Variants in SPECC1 observed in about 807,000 individuals in gnomAD.
SPECC1 encodes the protein cytospin-B.
SPECC1 carries 62 observed loss-of-function variants against 104.1 expected under a neutral mutation model. That is an observed-to-expected ratio of 0.60 (90% CI 0.49 to 0.74). The LOEUF (loss-of-function observed/expected upper bound fraction) is 0.74. Ranked by LOEUF, SPECC1 falls within the 30% of genes least tolerant of loss-of-function variation. The pLI, the probability that SPECC1 is intolerant of heterozygous loss-of-function variation, is 0.00. For synonymous variants in SPECC1, 513 were observed against 501.6 expected, an observed-to-expected ratio of 1.02 and a Z score of -0.30; for missense variants, 1,306 against 1,310.5, an observed-to-expected ratio of 1.00 and a Z score of 0.05.
rs533692821 is a variant in SPECC1, at chr17:20,196,261, A to G, written c.284-8072A>G. 2.5e-4 allele frequency among the ~76,000 whole-genome samples: 38 copies of G among 152,350 alleles called. No individual in the cohort carries two copies. In the East Asian group the frequency reaches 4.4e-3, roughly 18 times the overall value. On this transcript the variant is annotated intron_variant, in intron 3 of 14. Transcript: ENST00000395527. ...TCAATAGTCTCAATTACATGTTACA[A>G]TGTTAACTTTTAGCAACTTTTATTT...
At chr17:20,020,001 G>T (rs1367215416) in intron 1 of SPECC1, among the ~76,000 whole-genome samples, 1 of 152,206 alleles carries the variant, frequency 6.6e-6, no homozygotes, top group Non-Finnish European at 1.5e-5. Flanking sequence ...TCCCTGCAGG[G>T]TGACATGCAT....
chr17:20,145,462 G>C (rs192587480), intron 3 of SPECC1, among the ~76,000 whole-genome samples: 1 of 152,342 alleles, frequency 6.6e-6, no homozygotes, highest in African/African-American at 2.4e-5. Flanking sequence ...CACCCTGATT[G>C]TGCTGGCTTG....
At chr17:20,312,858 C>A (rs186490861) in intron 14 of SPECC1, among the ~76,000 whole-genome samples, 1 of 152,308 alleles carries the variant, frequency 6.6e-6, no homozygotes, top group African/African-American at 2.4e-5. Flanking sequence ...TAAGTGAAGT[C>A]TGTTCAGATT....
chr17:20,312,700 A>G (rs534573524), intron 14 of SPECC1, among the ~76,000 whole-genome samples: 9 of 152,340 alleles, frequency 5.9e-5, no homozygotes, highest in Admixed American at 3.9e-4. Flanking sequence ...AGAAGGAGAC[A>G]TTCTATTCTT....
At chr17:20,052,931 G>T (rs1597620092) in intron 1 of SPECC1, among the ~76,000 whole-genome samples, 1 of 152,172 alleles carries the variant, frequency 6.6e-6, no homozygotes, top group African/African-American at 2.4e-5. Flanking sequence ...CTATGCGTTT[G>T]CCCTAGAGAC....
chr17:20,260,331 G>T, intron 12 of SPECC1, 37 bp downstream of exon 12: 1 of 1,587,496 alleles, frequency 6.3e-7, no homozygotes, highest in Non-Finnish European at 8.6e-7. Context: ...AGCTGCCCCT[G>T]GGCAGTAGTA....
At chr17:20,140,655 G>A (rs1467135536) in intron 3 of SPECC1, among the ~76,000 whole-genome samples, 1 of 152,224 alleles carries the variant, frequency 6.6e-6, no homozygotes, top group Admixed American at 6.5e-5. Flanking sequence ...AGGTGTCCCA[G>A]AGAGGAGACT....
chr17:20,162,395 C>G, intron 3 of SPECC1, among the ~76,000 whole-genome samples: 1 of 152,096 alleles, frequency 6.6e-6, no homozygotes, highest in Non-Finnish European at 1.5e-5. Flanking sequence ...ATCCGCCCAC[C>G]TTGGACCCCC....
At chr17:20,247,926 C>T (rs1035838800) in intron 9 of SPECC1, among the ~76,000 whole-genome samples, 3 of 152,168 alleles carry the variant, frequency 2.0e-5, no homozygotes, top group Non-Finnish European at 4.4e-5. Flanking sequence ...ACTGAGCTTC[C>T]AGGAAAGGTT....
intron 12 of SPECC1, among the ~76,000 whole-genome samples, chr17:20,262,459 G>A (rs758163302): frequency 1.3e-5 from 2 of 152,096 alleles, no homozygotes; most frequent in African/African-American, 4.8e-5. Flanking sequence ...ATCAACACTT[G>A]GTATTGTCAG....
intron 7 of SPECC1, among the ~76,000 whole-genome samples, chr17:20,244,899 A>G (rs2039355328): frequency 6.6e-6 from 1 of 152,216 alleles, no homozygotes; most frequent in Admixed American, 6.5e-5. Flanking sequence ...ATCACATGAC[A>G]TGCCAAAGTC....
chr17:20,110,756 G>T (rs2048450269), intron 3 of SPECC1, among the ~76,000 whole-genome samples, 194 bp downstream of exon 3: 1 of 152,146 alleles, frequency 6.6e-6, no homozygotes, highest in African/African-American at 2.4e-5. Flanking sequence ...GGAGACCGAT[G>T]AGAAGCAAAA....
rs142464195 is a variant in SPECC1, at chr17:20,302,714, T to G, written c.3058-3309T>G. Among the ~76,000 whole-genome samples the G allele has an allele frequency of 1.6e-3, 233 of 148,960 alleles. 2 individuals carry two copies. Among genetic ancestry groups the G allele is most frequent in the African/African-American group, 5.3e-3 (218 of 40,808 alleles). ...CACCACGTCTTGCTCCGCTTGTGTTTTCACAACAGATACTGAACATAGAAG... is the reference window on the plus strand; with the variant it reads ...CACCACGTCTTGCTCCGCTTGTGTTGTCACAACAGATACTGAACATAGAAG... On this transcript the variant is annotated intron_variant, in intron 13 of 14. Coordinates refer to ENST00000395527, the MANE Select transcript of SPECC1 (RefSeq NM_001243439.2).
rs138910445 is a variant in SPECC1, at chr17:20,063,350, CTAGTT to C, written c.-21-33278_-21-33274del. ...TTTCCTAGAAAATGATCTGCTTTGC[CTAGTT>C]TACAAATCCTTATATGTAATTACGT... On this transcript the variant is annotated intron_variant, in intron 1 of 14. Transcript: ENST00000395527. 7.9e-4 allele frequency among the ~76,000 whole-genome samples: 120 copies of C among 152,258 alleles called. 1 individual carries two copies. The Middle Eastern group carries it at 0.014, about 17-fold the overall frequency.
At chr17:20,194,433 A>G (rs1207537356) in intron 3 of SPECC1, among the ~76,000 whole-genome samples, 1 of 151,412 alleles carries the variant, frequency 6.6e-6, no homozygotes, top group Non-Finnish European at 1.5e-5. Context: ...AGGAAAACAC[A>G]CCATTCCAGT....
intron 3 of SPECC1, among the ~76,000 whole-genome samples, chr17:20,185,724 G>T (rs1042470607): frequency 2.0e-5 from 3 of 152,248 alleles, no homozygotes; most frequent in African/African-American, 7.2e-5. Context: ...AAAGACCTTT[G>T]CAGAGCCAAC....
chr17:20,071,141 C>G (rs1220594559), intron 1 of SPECC1, among the ~76,000 whole-genome samples: 1 of 152,126 alleles, frequency 6.6e-6, no homozygotes, highest in Non-Finnish European at 1.5e-5. Flanking sequence ...AAGCAATCCT[C>G]CCTCCTCAGC....
intron 2 of SPECC1, among the ~76,000 whole-genome samples, chr17:20,098,884 T>C (rs2047783943): frequency 6.6e-6 from 1 of 152,216 alleles, no homozygotes; most frequent in Admixed American, 6.5e-5. Context: ...TGTACTCGGC[T>C]CTGTCCCTAG....
At chr17:20,089,400 G>A (rs11869616) in intron 1 of SPECC1, among the ~76,000 whole-genome samples, 75,104 of 151,412 alleles carry the variant, frequency 0.5, 19,148 homozygotes, top group Middle Eastern at 0.6. Flanking sequence ...CTTGACGCGG[G>A]AGGATCACTT....
Sources: gnomAD v4.1 joint callset for allele counts (sites outside exome capture counted in the v4.1 genomes callset) on GRCh38, gnomAD v4.1.1 for gene constraint, MANE v1.5 for transcripts, NCBI Gene and HGNC (gene_info 2026-07-23, HGNC 2026-07-21) for gene names.